NMT2: variants seen among roughly 807,000 people sequenced by gnomAD.
The protein encoded by NMT2 is N-myristoyltransferase 2, also known as glycylpeptide N-tetradecanoyltransferase 2.
Under a neutral mutation model 65.4 loss-of-function variants are expected in NMT2, and 35 were observed. That is an observed-to-expected ratio of 0.54 (90% confidence interval 0.41 to 0.71). The LOEUF (loss-of-function observed/expected upper bound fraction) is 0.71. Among genes scored for constraint, NMT2 ranks in the 30% least tolerant of loss-of-function variants. NMT2 has a pLI of 0.00. For missense variants in NMT2, 489 were observed against 611.3 expected (o/e 0.80, Z 2.11); for synonymous variants, 226 against 231.8 (o/e 0.98, Z 0.23).
At position 15,108,078 on chromosome 10, in the gene NMT2, CT is replaced by C. The variant is rs1845368805; in HGVS notation, c.*1116del. 5 of 985,646 alleles carry C rather than the reference CT, an allele frequency of 5.1e-6. No homozygotes were observed. The African/African-American group carries it at 8.7e-5, about 17-fold the overall frequency. 61.1% of individuals were successfully genotyped at this position (985,646 alleles called of 1,614,324 possible). A position where few individuals can be genotyped will look rare whatever the true frequency, so the allele number is the denominator to read the frequency against. On this transcript the variant is annotated 3_prime_UTR_variant, in exon 12 of 12. Transcript: ENST00000378165. ...AAGTTCCACCAGGCATCTCTTTTGA[CT>C]TTACAGTTTTTTATTTCCTTTTCTT... is the stretch of plus-strand genomic sequence containing the variant.
intron 8 of NMT2, among the ~76,000 whole-genome samples, chr10:15,127,008 G>A (rs986633951): frequency 1.8e-4 from 27 of 152,076 alleles, no homozygotes; most frequent in Non-Finnish European, 2.5e-4. Context: ...CAAGGCAGGC[G>A]GATCACAAGG....
chr10:15,149,367 CCAT>C (rs1248004110), intron 1 of NMT2, among the ~76,000 whole-genome samples: 1 of 2,070 alleles, frequency 4.8e-4, no homozygotes, highest in East Asian at 0.042. Flanking sequence ...ATTATCATCA[CCAT>C]CATCACCACC....
chr10:15,156,308 A>G (rs1242863470), intron 1 of NMT2, among the ~76,000 whole-genome samples: 1 of 152,010 alleles, frequency 6.6e-6, no homozygotes, highest in Non-Finnish European at 1.5e-5. Flanking sequence ...CCTCACTCTC[A>G]TTCTTCTCTC....
intron 9 of NMT2, among the ~76,000 whole-genome samples, chr10:15,118,754 A>G (rs533118349): frequency 6.6e-6 from 1 of 152,312 alleles, no homozygotes; most frequent in Admixed American, 6.5e-5. Flanking sequence ...AAATCTGACC[A>G]TACCCACGTC....
chr10:15,149,553 T>C (rs796606197), intron 1 of NMT2, among the ~76,000 whole-genome samples: 4 of 89,324 alleles, frequency 4.5e-5, no homozygotes, highest in Admixed American at 1.1e-4. Context: ...ATCACCACCA[T>C]CATCACCAAC....
intron 1 of NMT2, among the ~76,000 whole-genome samples, chr10:15,143,504 C>T (rs10737093): frequency 0.86 from 131,649 of 152,280 alleles, 57,251 homozygotes; most frequent in Middle Eastern, 0.93. Flanking sequence ...CTGGGAAGGA[C>T]GCTTTGAAGT....
intron 8 of NMT2, among the ~76,000 whole-genome samples, chr10:15,122,372 G>A (rs901177746): frequency 2.6e-5 from 4 of 151,866 alleles, no homozygotes; most frequent in African/African-American, 7.2e-5. Context: ...CCAGCAGATC[G>A]CCTTAAAGCA....
chr10:15,153,861 G>A (rs1253254461), intron 1 of NMT2, among the ~76,000 whole-genome samples: 1 of 151,908 alleles, frequency 6.6e-6, no homozygotes. Flanking sequence ...CACTGTGTTA[G>A]CCAGGATGGT....
intron 1 of NMT2, among the ~76,000 whole-genome samples, chr10:15,159,172 C>T (rs1833102753): frequency 6.6e-6 from 1 of 152,156 alleles, no homozygotes; most frequent in Non-Finnish European, 1.5e-5. Flanking sequence ...CTGGATAATC[C>T]CTTTCTTGGC....
At chr10:15,151,575 T>G (rs1022785714) in intron 1 of NMT2, among the ~76,000 whole-genome samples, 2 of 152,258 alleles carry the variant, frequency 1.3e-5, no homozygotes, top group African/African-American at 4.8e-5. Flanking sequence ...CTTTAAAAAT[T>G]TGTTATTTAC....
intron 1 of NMT2, among the ~76,000 whole-genome samples, chr10:15,159,061 C>G (rs907988416): frequency 2.0e-5 from 3 of 152,228 alleles, no homozygotes; most frequent in African/African-American, 7.2e-5. Context: ...CCTTTGCCCA[C>G]AGGTCTCACC....
At chr10:15,161,312 G>C (rs1455461489) in intron 1 of NMT2, among the ~76,000 whole-genome samples, 1 of 151,920 alleles carries the variant, frequency 6.6e-6, no homozygotes, top group Non-Finnish European at 1.5e-5. Flanking sequence ...AATCATGTGA[G>C]AATGCTGTTA....
chr10:15,138,575 C>G (rs1846606545), intron 2 of NMT2: 2 of 434,432 alleles, frequency 4.6e-6, no homozygotes, highest in African/African-American at 4.1e-5. Context: ...GGCATACTAA[C>G]CAGCAACTAT....
At chr10:15,157,919 T>A (rs1231728699) in intron 1 of NMT2, among the ~76,000 whole-genome samples, 1 of 152,204 alleles carries the variant, frequency 6.6e-6, no homozygotes, top group Non-Finnish European at 1.5e-5. Context: ...TACAGTCAGA[T>A]AGACTTAAAA....
Position 15,112,883 on chromosome 10 carries a change from G to A in NMT2, c.1251C>T (p.Ser417=). 2 of 1,614,154 alleles carry A rather than the reference G, an allele frequency of 1.2e-6. No homozygotes were observed. The highest frequency in any genetic ancestry group is 1.7e-6 in the Non-Finnish European group (2 of 1,180,026). ...TGTAGAATGAGTAGGCGGCTTTGAG[G>A]CTCTTGTGAGCAGGGTGGTGCATCA... The part of the protein sequence containing the change: ...STVMHHPAHK[S]LKAAYSFYNI... Residue 417 remains serine, a synonymous_variant, in exon 10 of 12, where the codon AGC becomes AGT. Coordinates refer to ENST00000378165, the MANE Select transcript of NMT2 (RefSeq NM_004808.3).
chr10:15,141,759 G>A (rs1314579522), intron 1 of NMT2, among the ~76,000 whole-genome samples: 1 of 152,228 alleles, frequency 6.6e-6, no homozygotes, highest in Non-Finnish European at 1.5e-5. Flanking sequence ...CCCCCGCTCA[G>A]TCATCCTGCA....
rs140154366 is a variant in NMT2, at chr10:15,133,092, T to A, written c.563A>T (p.Asn188Ile). ...LNENYVEDDDNMFRFDYSPEF... is the reference protein window; with the variant it reads ...LNENYVEDDDIMFRFDYSPEF... ...GGGTGAATAGTCAAATCGGAACATA[T>A]TGTCATCATCTTCTACGTAATTCTC... Residue 188 changes from asparagine to isoleucine, a missense_variant, in exon 5 of 12, where the codon AAT (asparagine) becomes ATT (isoleucine). Coordinates refer to ENST00000378165, the MANE Select transcript of NMT2 (RefSeq NM_004808.3). The A allele has an allele frequency of 3.5e-4, 569 of 1,614,048 alleles. No homozygotes were observed. The highest frequency in any genetic ancestry group is 4.6e-4 in the Non-Finnish European group (544 of 1,179,990).
intron 1 of NMT2, among the ~76,000 whole-genome samples, chr10:15,144,527 C>G (rs7097531): frequency 0.038 from 5,792 of 152,110 alleles, 126 homozygotes; most frequent in African/African-American, 0.063. Context: ...ATCAGGAGAT[C>G]GAGACCATCC....
chr10:15,122,288 T>A (rs1309021686), intron 8 of NMT2, among the ~76,000 whole-genome samples: 1 of 152,212 alleles, frequency 6.6e-6, no homozygotes, highest in African/African-American at 2.4e-5. Flanking sequence ...AACTTCCTTC[T>A]AGAGCAAAAC....
Sources: gnomAD v4.1 joint callset for allele counts (sites outside exome capture counted in the v4.1 genomes callset) on GRCh38, gnomAD v4.1.1 for gene constraint, MANE v1.5 for transcripts, NCBI Gene and HGNC (gene_info 2026-07-23, HGNC 2026-07-21) for gene names.